STAG1: variants seen among roughly 807,000 people sequenced by gnomAD.
STAG1 encodes the protein STAG1 cohesin complex component, also known as cohesin subunit SA-1.
Under a neutral mutation model 170.9 loss-of-function variants are expected in STAG1, and 26 were observed. The ratio of observed to expected loss-of-function variants is 0.15; its 90% CI spans 0.11 to 0.21. STAG1 has a LOEUF of 0.21. Ranked by LOEUF, STAG1 falls within the 10% of genes least tolerant of loss-of-function variation. STAG1 has a pLI of 1.00. For missense variants in STAG1, 964 were observed against 1,509.5 expected, an observed-to-expected ratio of 0.64 and a Z score of 5.99; for synonymous variants, 514 against 497.7, an observed-to-expected ratio of 1.03 and a Z score of -0.44.
chr3:136,665,901 C>T (rs1941748390), intron 1 of STAG1, among the ~76,000 whole-genome samples: 1 of 151,114 alleles, frequency 6.6e-6, no homozygotes, highest in African/African-American at 2.4e-5. Flanking sequence ...CAGTGAAACC[C>T]CGTCTCCACT....
intron 4 of STAG1, among the ~76,000 whole-genome samples, chr3:136,574,766 A>C (rs557941993): frequency 7.2e-5 from 11 of 152,332 alleles, no homozygotes; most frequent in Middle Eastern, 3.4e-3. Context: ...CTGATAGAAG[A>C]AGCAAACAAA....
At chr3:136,436,383 G>A (rs1008780813) in intron 15 of STAG1, among the ~76,000 whole-genome samples, 3 of 152,048 alleles carry the variant, frequency 2.0e-5, no homozygotes, top group Admixed American at 6.6e-5. Flanking sequence ...CTAGGTTCAA[G>A]TGATTCTCCT....
At chr3:136,370,280 G>A (rs1285209731) in intron 23 of STAG1, among the ~76,000 whole-genome samples, 2 of 152,056 alleles carry the variant, frequency 1.3e-5, no homozygotes, top group African/African-American at 2.4e-5. Context: ...GAGACATGTG[G>A]GAGGTGGAAG....
At chr3:136,546,401 G>A (rs556368001) in intron 5 of STAG1, among the ~76,000 whole-genome samples, 1 of 152,072 alleles carries the variant, frequency 6.6e-6, no homozygotes, top group East Asian at 1.9e-4. Context: ...TGTAGAGAAA[G>A]TCCCAAAATT....
intron 13 of STAG1, among the ~76,000 whole-genome samples, chr3:136,464,363 T>C (rs1425603581): frequency 6.6e-6 from 1 of 151,532 alleles, no homozygotes; most frequent in Non-Finnish European, 1.5e-5. Context: ...GCAGAAGTTG[T>C]GGTGAGTCGA....
At chr3:136,694,003 C>T (rs1042423065) in intron 1 of STAG1, among the ~76,000 whole-genome samples, 2 of 152,182 alleles carry the variant, frequency 1.3e-5, no homozygotes, top group Non-Finnish European at 2.9e-5. Context: ...TGGGAGACCA[C>T]TGACAAAATT....
At chr3:136,419,108 G>A (rs1030965707) in intron 20 of STAG1, among the ~76,000 whole-genome samples, 1 of 152,148 alleles carries the variant, frequency 6.6e-6, no homozygotes, top group South Asian at 2.1e-4. Flanking sequence ...TTGGGCTGAG[G>A]ACTTATGAAT....
intron 1 of STAG1, among the ~76,000 whole-genome samples, chr3:136,647,331 G>C (rs1355650496): frequency 6.6e-6 from 1 of 152,162 alleles, no homozygotes; most frequent in Non-Finnish European, 1.5e-5. Flanking sequence ...AGCACTTTGG[G>C]AGGCCCAGGC....
intron 14 of STAG1, among the ~76,000 whole-genome samples, chr3:136,446,779 A>C (rs1411221823): frequency 6.7e-6 from 1 of 149,882 alleles, no homozygotes; most frequent in Non-Finnish European, 1.5e-5. Context: ...AAAATTTCTT[A>C]ATCTATACTG....
At chr3:136,694,626 A>C (rs1283876810) in intron 1 of STAG1, among the ~76,000 whole-genome samples, 3 of 152,026 alleles carry the variant, frequency 2.0e-5, no homozygotes, top group Non-Finnish European at 2.9e-5. Context: ...AAAAAAAAAA[A>C]AAACATTGGA....
intron 5 of STAG1, among the ~76,000 whole-genome samples, chr3:136,550,059 A>G (rs764421026): frequency 3.9e-5 from 6 of 152,144 alleles, no homozygotes; most frequent in Non-Finnish European, 8.8e-5. Flanking sequence ...TATACTCATC[A>G]GGGATCTATA....
At chr3:136,546,515 T>C (rs545356077) in intron 5 of STAG1, among the ~76,000 whole-genome samples, 10 of 152,126 alleles carry the variant, frequency 6.6e-5, no homozygotes, top group Admixed American at 3.3e-4. Flanking sequence ...AAGGGAGAAA[T>C]AAAATGATAA....
chr3:136,559,879 C>T (rs1936771028), intron 5 of STAG1, among the ~76,000 whole-genome samples: 1 of 152,154 alleles, frequency 6.6e-6, no homozygotes, highest in Non-Finnish European at 1.5e-5. Flanking sequence ...TCTGTACACA[C>T]ATTAGTAAGT....
chr3:136,515,503 G>A (rs1205083158), intron 7 of STAG1, among the ~76,000 whole-genome samples: 9 of 152,108 alleles, frequency 5.9e-5, no homozygotes, highest in African/African-American at 9.7e-5. Flanking sequence ...ATACTACCAC[G>A]AGAAAGGATT....
At chr3:136,638,992 C>T (rs1466524457) in intron 1 of STAG1, among the ~76,000 whole-genome samples, 2 of 151,466 alleles carry the variant, frequency 1.3e-5, no homozygotes, top group Non-Finnish European at 3.0e-5. Flanking sequence ...AAACAGCTAA[C>T]AAGTAAAAAT....
At chr3:136,586,372 A>C (rs1486571772) in intron 4 of STAG1, among the ~76,000 whole-genome samples, 1 of 152,202 alleles carries the variant, frequency 6.6e-6, no homozygotes, top group African/African-American at 2.4e-5. Context: ...AAGCCTTTGG[A>C]AAATGATTTA....
chr3:136,669,640 T>C (rs1406455640), intron 1 of STAG1, among the ~76,000 whole-genome samples: 1 of 152,218 alleles, frequency 6.6e-6, no homozygotes. Context: ...ATTACAGGCA[T>C]GAGCCACCAC....
chr3:136,624,098 T>C (rs998483116), intron 2 of STAG1, among the ~76,000 whole-genome samples: 1 of 151,874 alleles, frequency 6.6e-6, no homozygotes, highest in African/African-American at 2.4e-5. Context: ...CCAACTCTTA[T>C]ATTGGAATCT....
intron 1 of STAG1, among the ~76,000 whole-genome samples, chr3:136,644,927 G>A (rs796805144): frequency 3.9e-5 from 6 of 151,994 alleles, no homozygotes; most frequent in African/African-American, 1.2e-4. Flanking sequence ...TTTGGGTTTC[G>A]CCATATTGCC....
Sources: allele counts gnomAD v4.1 joint callset (sites outside exome capture counted in the v4.1 genomes callset), GRCh38; gene constraint gnomAD v4.1.1; transcripts MANE v1.5; gene names NCBI Gene and HGNC (gene_info 2026-07-23, HGNC 2026-07-21).